WWTR1: variants seen among roughly 807,000 people sequenced by gnomAD.
The protein encoded by WWTR1 is WW domain containing transcription regulator 1, also known as WW domain-containing transcription regulator protein 1.
WWTR1 carries 13 observed loss-of-function variants against 40.1 expected under a neutral mutation model. The ratio of observed to expected loss-of-function variants is 0.32; its 90% CI spans 0.21 to 0.52. The LOEUF is 0.52. Ranked by LOEUF, WWTR1 falls within the 20% of genes least tolerant of loss-of-function variation. The pLI is 0.97. For missense variants in WWTR1, 436 were observed against 523.1 expected (o/e 0.83, Z 1.63); for synonymous variants, 230 against 210.1 (o/e 1.09, Z -0.82).
upstream of WWTR1, chr3:149,659,409 T>C (rs1713466735): frequency 6.9e-6 from 1 of 145,236 alleles, no homozygotes; most frequent in Non-Finnish European, 1.5e-5. Flanking sequence ...CTCAGCTCAC[T>C]GCAACCTCCG....
intron 3 of WWTR1, among the ~76,000 whole-genome samples, chr3:149,559,511 G>C (rs1156572677): frequency 6.6e-6 from 1 of 152,026 alleles, no homozygotes; most frequent in Non-Finnish European, 1.5e-5. Flanking sequence ...GGCAGATCTG[G>C]GGAAAAGGTA....
intron 5 of WWTR1, among the ~76,000 whole-genome samples, chr3:149,710,099 A>C (rs1715439071): frequency 6.6e-6 from 1 of 152,062 alleles, no homozygotes; most frequent in Non-Finnish European, 1.5e-5. Flanking sequence ...TAAGACTCCC[A>C]GTGGCCATCA....
chr3:149,575,293 C>A (rs768922180), intron 2 of WWTR1, among the ~76,000 whole-genome samples: 1 of 152,160 alleles, frequency 6.6e-6, no homozygotes, highest in East Asian at 1.9e-4. Context: ...TTGTCACAGG[C>A]CTTCCAAGTG....
chr3:149,606,056 T>C (rs1739466736), intron 2 of WWTR1, among the ~76,000 whole-genome samples: 1 of 152,188 alleles, frequency 6.6e-6, no homozygotes, highest in African/African-American at 2.4e-5. Context: ...AGAGAGCTTG[T>C]TTATCCCTTC....
chr3:149,683,328 T>C (rs1014864431), intron 1 of WWTR1, among the ~76,000 whole-genome samples: 2 of 152,294 alleles, frequency 1.3e-5, no homozygotes, highest in Non-Finnish European at 2.9e-5. Context: ...CATAATGGGT[T>C]TACACTTAAA....
intron 6 of WWTR1, 115 bp from the exon 7 acceptor site, chr3:149,521,104 A>G: frequency 8.3e-7 from 1 of 1,207,714 alleles, no homozygotes; most frequent in Admixed American, 2.6e-5. Flanking sequence ...CACATTATTG[A>G]CCCTTACTCA....
chr3:149,589,517 C>G (rs1738596593), intron 2 of WWTR1, among the ~76,000 whole-genome samples: 1 of 152,168 alleles, frequency 6.6e-6, no homozygotes. Context: ...CCTTCAGACT[C>G]TTTACGCAAT....
chr3:149,542,255 C>G lies in WWTR1; in HGVS notation c.771+80G>C, dbSNP rs1396369445. ...TCTCTTCTTCTCTAGAAGAATTACC[C>G]TGAAGGTAAGCAGCTACCTACCCAT... is the stretch of plus-strand genomic sequence containing the variant. On this transcript the variant is annotated intron_variant, in intron 4 of 6. Coordinates refer to ENST00000360632, the MANE Select transcript of WWTR1 (RefSeq NM_015472.6). 2.2e-5 allele frequency: 32 copies of G among 1,485,672 alleles called. No individual in the cohort carries two copies. The South Asian group carries it at 2.4e-4, about 11-fold the overall frequency. The allele number at this position is 1,485,672 out of a possible 1,614,324, so 92.0% of individuals were successfully genotyped here. A position where few individuals can be genotyped will look rare whatever the true frequency, so the allele number is the denominator to read the frequency against.
At chr3:149,713,677 G>A (rs888120777) in intron 5 of WWTR1, among the ~76,000 whole-genome samples, 7 of 152,312 alleles carry the variant, frequency 4.6e-5, no homozygotes, top group South Asian at 2.1e-4. Flanking sequence ...CACAGCGCCC[G>A]TCCTACGTCT....
chr3:149,723,184 T>C (rs1185492588), intron 4 of WWTR1, among the ~76,000 whole-genome samples: 1 of 68,940 alleles, frequency 1.5e-5, no homozygotes, highest in Non-Finnish European at 3.3e-5. Context: ...TCTTTTCTTT[T>C]CTTTTTTTTT....
At chr3:149,635,204 T>C (rs1392202130) in intron 2 of WWTR1, among the ~76,000 whole-genome samples, 1 of 152,250 alleles carries the variant, frequency 6.6e-6, no homozygotes, top group African/African-American at 2.4e-5. Context: ...TAAATTATCA[T>C]ACAAATGCAT....
intron 2 of WWTR1, among the ~76,000 whole-genome samples, chr3:149,596,539 T>C (rs1008151136): frequency 2.6e-5 from 4 of 152,144 alleles, no homozygotes; most frequent in Admixed American, 6.5e-5. Flanking sequence ...AACTGTGGAT[T>C]TGAATACACA....
intron 2 of WWTR1, among the ~76,000 whole-genome samples, chr3:149,605,655 T>G (rs570110742): frequency 6.6e-6 from 1 of 152,272 alleles, no homozygotes; most frequent in African/African-American, 2.4e-5. Context: ...AAGAAAGATT[T>G]GTGCTAGAGA....
rs767583508 is a variant in WWTR1 at position 149,542,556 on chromosome 3, T to A, written c.569-19A>T. 3.8e-6 allele frequency: 6 copies of A among 1,595,790 alleles called. No individual in the cohort carries two copies. The South Asian group carries it at 4.5e-5, about 12-fold the overall frequency. The stretch of plus-strand genomic sequence containing the variant: ...TTCATCACTGCAAGAGGGAAGAACA[T>A]ACAGATTAATGACCAGGGCCCACAA... On this transcript the variant is annotated intron_variant, in intron 3 of 6. Transcript: ENST00000360632.
chr3:149,627,135 T>C (rs1740580736), intron 2 of WWTR1, among the ~76,000 whole-genome samples: 2 of 152,204 alleles, frequency 1.3e-5, no homozygotes, highest in Admixed American at 6.5e-5. Flanking sequence ...ATACGTCCCA[T>C]GCAATATCTG....
intron 1 of WWTR1, chr3:149,702,244 T>C (rs1004371620): frequency 6.6e-6 from 1 of 152,444 alleles, no homozygotes; most frequent in African/African-American, 2.4e-5. Flanking sequence ...AATAAGCATA[T>C]GATTCCTCTT....
upstream of WWTR1, among the ~76,000 whole-genome samples, chr3:149,661,650 C>G (rs777487270): frequency 3.3e-5 from 5 of 151,816 alleles, no homozygotes; most frequent in Non-Finnish European, 5.9e-5. Context: ...TCTTGAACTC[C>G]TGGTCTCAAG....
intron 1 of WWTR1, among the ~76,000 whole-genome samples, chr3:149,679,015 G>GA (rs1161350733): frequency 2.6e-5 from 4 of 151,996 alleles, no homozygotes; most frequent in Non-Finnish European, 5.9e-5. Flanking sequence ...ATTTTTAGTA[G>GA]AAACGGGGTT....
intron 2 of WWTR1, chr3:149,575,993 T>C (rs755701225): frequency 4.6e-5 from 21 of 456,322 alleles, no homozygotes; most frequent in Non-Finnish European, 8.8e-6. Context: ...TTTAAAGGAG[T>C]TTTGTTCCCA....
Sources: gnomAD v4.1 joint callset for allele counts (sites outside exome capture counted in the v4.1 genomes callset) on GRCh38, gnomAD v4.1.1 for gene constraint, MANE v1.5 for transcripts, NCBI Gene and HGNC (gene_info 2026-07-23, HGNC 2026-07-21) for gene names.